BLK: variants seen among roughly 807,000 people sequenced by gnomAD.
The protein encoded by BLK is BLK proto-oncogene, Src family tyrosine kinase.
A neutral mutation model predicts 61.8 loss-of-function variants in BLK; 64 were observed. The ratio of observed to expected loss-of-function variants is 1.03; its 90% CI spans 0.85 to 1.27. The LOEUF (loss-of-function observed/expected upper bound fraction) is 1.27. Ranked by LOEUF, BLK falls within the 50% of genes most tolerant of loss-of-function variation. The pLI, the probability that BLK is intolerant of heterozygous loss-of-function variation, is 0.00. For missense variants in BLK, 853 were observed against 660.5 expected (o/e 1.29, Z -3.19); for synonymous variants, 351 against 272.0 (o/e 1.29, Z -2.86).
chr8:11,496,241 G>C (rs1480450038), intron 1 of BLK, among the ~76,000 whole-genome samples: 1 of 151,968 alleles, frequency 6.6e-6, no homozygotes, highest in Non-Finnish European at 1.5e-5. Flanking sequence ...TTTCGTTTAT[G>C]TTTTTTGTTT....
intron 3 of BLK, among the ~76,000 whole-genome samples, chr8:11,547,164 C>T (rs1461181024): frequency 1.3e-5 from 2 of 152,248 alleles, no homozygotes; most frequent in African/African-American, 2.4e-5. Flanking sequence ...CAGGTAGATG[C>T]GACCCCTTCC....
chr8:11,518,898 C>T (rs571018900), intron 1 of BLK, among the ~76,000 whole-genome samples: 9 of 152,284 alleles, frequency 5.9e-5, no homozygotes, highest in African/African-American at 2.2e-4. Flanking sequence ...CTTTGCAAAG[C>T]CTCTCCTTGC....
intron 1 of BLK, among the ~76,000 whole-genome samples, chr8:11,504,367 G>GA (rs1554540058): frequency 1.2e-3 from 47 of 39,358 alleles, no homozygotes; most frequent in African/African-American, 2.3e-3. Context: ...AAGGAAGGAA[G>GA]AAAGAAAAGA....
At chr8:11,507,707 C>A (rs149080393) in intron 1 of BLK, among the ~76,000 whole-genome samples, 1 of 152,278 alleles carries the variant, frequency 6.6e-6, no homozygotes, top group Non-Finnish European at 1.5e-5. Flanking sequence ...TGCCAAAGAT[C>A]AGCCAGGCCT....
At chr8:11,558,918 G>A (rs747585269) in intron 10 of BLK, 2 of 455,756 alleles carry the variant, frequency 4.4e-6, no homozygotes, top group South Asian at 1.5e-5. Context: ...TTACCCAGTA[G>A]CGCCGCTGCA....
At chr8:11,514,536 C>G (rs962930875) in intron 1 of BLK, among the ~76,000 whole-genome samples, 8 of 152,208 alleles carry the variant, frequency 5.3e-5, no homozygotes, top group African/African-American at 1.9e-4. Context: ...AGGGGAACAG[C>G]TGGGAGAGAG....
At chr8:11,545,820 G>A (rs1349352743) in intron 2 of BLK, 6 of 583,548 alleles carry the variant, frequency 1.0e-5, no homozygotes, top group Non-Finnish European at 1.9e-5. Context: ...ATCCACATTG[G>A]GGCATCCCCC....
At chr8:11,550,456 G>A (rs562958012) in intron 6 of BLK, among the ~76,000 whole-genome samples, 194 bp downstream of exon 6, 124 of 152,348 alleles carry the variant, frequency 8.1e-4, no homozygotes, top group African/African-American at 2.9e-3. Flanking sequence ...TCCCTGTCCC[G>A]GCTGGAAACC....
At chr8:11,561,082 T>C (rs1195428727) in intron 10 of BLK, 1 of 703,066 alleles carries the variant, frequency 1.4e-6, no homozygotes, top group African/African-American at 1.7e-5. Flanking sequence ...GGGGCACAGG[T>C]AGCCCCTGTG....
chr8:11,525,644 A>C (rs1028096288), intron 1 of BLK, among the ~76,000 whole-genome samples: 1 of 152,230 alleles, frequency 6.6e-6, no homozygotes, highest in African/African-American at 2.4e-5. Flanking sequence ...CAAAAATTTA[A>C]ACAGTCAGAA....
chr8:11,547,677 G>C (rs1470084413), intron 3 of BLK, among the ~76,000 whole-genome samples: 2 of 152,218 alleles, frequency 1.3e-5, no homozygotes, highest in African/African-American at 4.8e-5. Flanking sequence ...GGCAGGTGTA[G>C]AATAAGAAGA....
chr8:11,538,406 C>T (rs1348406109), intron 1 of BLK, among the ~76,000 whole-genome samples: 1 of 152,210 alleles, frequency 6.6e-6, no homozygotes, highest in Non-Finnish European at 1.5e-5. Context: ...GTCAAAGCCA[C>T]TGGAGTAGGG....
chr8:11,551,082 G>A (rs1334629859), intron 6 of BLK, among the ~76,000 whole-genome samples: 1 of 152,060 alleles, frequency 6.6e-6, no homozygotes, highest in Non-Finnish European at 1.5e-5. Context: ...TCTTCTCTGT[G>A]GTTTCGCCAC....
intron 1 of BLK, among the ~76,000 whole-genome samples, chr8:11,504,396 G>C (rs904933817): frequency 8.3e-6 from 1 of 120,688 alleles, no homozygotes; most frequent in Non-Finnish European, 1.9e-5. Flanking sequence ...GAAAAGAAAA[G>C]AAAAGAAAAG....
At position 11,561,520 on chromosome 8, in the gene BLK, T is replaced by G. The variant is rs1373694385; in HGVS notation, c.1180+68T>G. 1.7e-5 allele frequency: 26 copies of G among 1,573,838 alleles called. No homozygotes were observed. The Admixed American group carries it at 4.7e-4, about 29-fold the overall frequency. On this transcript the variant is annotated intron_variant, in intron 11 of 12. Coordinates refer to ENST00000259089, the MANE Select transcript of BLK (RefSeq NM_001715.3). ...CTTTCCCAGCTCCTCAAAGCCGCCT[T>G]TAACTTCTCCCAGCACAGCCCTGAG...
intron 8 of BLK, chr8:11,556,355 G>C (rs1801222160): frequency 2.2e-6 from 1 of 446,042 alleles, no homozygotes; most frequent in African/African-American, 2.0e-5. Context: ...TCATTATGTA[G>C]GGGAGGGGTG....
At chr8:11,560,727 G>T (rs1022898776) in intron 10 of BLK, 7 of 399,520 alleles carry the variant, frequency 1.8e-5, no homozygotes, top group Non-Finnish European at 3.1e-5. Context: ...CGGGGCAGGC[G>T]CTGGGTGAGG....
rs184234052 is a variant in BLK, at chr8:11,548,898, C to T, written c.270-126C>T. 2.0e-3 allele frequency: 1,704 copies of T among 870,362 alleles called. 6 individuals are homozygous for T. The highest frequency in any genetic ancestry group is 4.0e-3 in the Middle Eastern group (18 of 4,556). The allele number at this position is 870,362 out of a possible 1,614,324, so 53.9% of individuals were successfully genotyped here. A position where few individuals can be genotyped will look rare whatever the true frequency, so the allele number is the denominator to read the frequency against. ...TGGGCACAAGCCCCTTCCTGCCTGC[C>T]GTACTCTCTACCCCTGCGGATTCTC... On this transcript the variant is annotated intron_variant, in intron 4 of 12. Coordinates refer to ENST00000259089, the MANE Select transcript of BLK (RefSeq NM_001715.3).
chr8:11,516,209 C>T (rs759881711), intron 1 of BLK, among the ~76,000 whole-genome samples: 9 of 152,220 alleles, frequency 5.9e-5, no homozygotes, highest in Non-Finnish European at 1.0e-4. Flanking sequence ...CTGGAGTAGT[C>T]CCATTCAGAG....
Sources: allele counts gnomAD v4.1 joint callset (sites outside exome capture counted in the v4.1 genomes callset), GRCh38; gene constraint gnomAD v4.1.1; transcripts MANE v1.5; gene names NCBI Gene and HGNC (gene_info 2026-07-23, HGNC 2026-07-21).